The following CRHR1 variants were observed in gnomAD, a reference collection of about 807,000 sequenced individuals.
CRHR1 encodes corticotropin-releasing hormone receptor 1.
In CRHR1, 28 loss-of-function variants were observed where a neutral mutation model predicts 56.0. That is an observed-to-expected ratio of 0.50 (90% CI 0.37 to 0.69). The LOEUF (loss-of-function observed/expected upper bound fraction) is 0.69, where lower values mean the gene tolerates loss of function less well. Among genes scored for constraint, CRHR1 ranks in the 30% least tolerant of loss-of-function variants. The probability of loss-of-function intolerance (pLI) is 0.00; values close to 1 mark genes in which losing one functional copy is unlikely to be tolerated. For synonymous variants in CRHR1, 195 were observed against 216.5 expected, an observed-to-expected ratio of 0.90 and a Z score of 0.87; for missense variants, 376 against 548.0, an observed-to-expected ratio of 0.69 and a Z score of 3.13.
chr17:45,814,758 C>T (rs1012978117), intron 2 of CRHR1, among the ~76,000 whole-genome samples: 3 of 152,276 alleles, frequency 2.0e-5, no homozygotes, highest in Non-Finnish European at 1.5e-5. Context: ...TCCACTGCCA[C>T]TCCGTGATAA....
At chr17:45,829,133 C>A (rs1347588437) in intron 4 of CRHR1, 82 bp from the exon 5 acceptor site, 8 of 1,109,708 alleles carry the variant, frequency 7.2e-6, no homozygotes, top group Non-Finnish European at 1.1e-5. Context: ...CCCGCTCCAT[C>A]CCAGCCACCC....
At chr17:45,797,852 C>T (rs1233629385) in intron 1 of CRHR1, among the ~76,000 whole-genome samples, 2 of 152,196 alleles carry the variant, frequency 1.3e-5, no homozygotes, top group Non-Finnish European at 2.9e-5. Flanking sequence ...AACACAGTGA[C>T]CTCCCCATTT....
chr17:45,821,425 G>A lies in CRHR1; in HGVS notation c.312G>A (p.Glu104=), dbSNP rs201421099. 5.5e-5 allele frequency: 88 copies of A among 1,612,828 alleles called. No individual in the cohort carries two copies. The African/African-American group carries it at 1.1e-3, about 20-fold the overall frequency. Residue 104 remains glutamate (E), a synonymous_variant, in exon 4 of 13, where the codon GAG becomes GAA. Transcript: ENST00000314537. Reference sequence around the variant, plus strand: ...GCGTGAATTACTCCGAGTGCCAGGAGATCCTCAATGAGGAGGTGAGGCTGA... The same window carrying A: ...GCGTGAATTACTCCGAGTGCCAGGAAATCCTCAATGAGGAGGTGAGGCTGA... ...AARVNYSECQ[E]ILNEEKKSKV...
At chr17:45,803,170 G>A (rs2061655167) in intron 1 of CRHR1, among the ~76,000 whole-genome samples, 1 of 152,144 alleles carries the variant, frequency 6.6e-6, no homozygotes, top group Non-Finnish European at 1.5e-5. Context: ...GACTGCATGG[G>A]CAGAGGGTTG....
intron 11 of CRHR1, 53 bp from the exon 12 acceptor site, chr17:45,833,954 C>T: frequency 6.2e-7 from 1 of 1,613,184 alleles, no homozygotes; most frequent in East Asian, 2.2e-5. Flanking sequence ...AGCCCAGAGG[C>T]TGGGTGGGCA....
intron 4 of CRHR1, among the ~76,000 whole-genome samples, chr17:45,823,351 G>A (rs1429560079): frequency 6.6e-6 from 1 of 150,980 alleles, no homozygotes; most frequent in East Asian, 1.9e-4. Context: ...GGAGACTGGG[G>A]CCCAGAAAAG....
chr17:45,786,347 G>A (rs1401142535), intron 1 of CRHR1, among the ~76,000 whole-genome samples: 1 of 152,170 alleles, frequency 6.6e-6, no homozygotes, highest in Non-Finnish European at 1.5e-5. Flanking sequence ...GGGGCAGTGA[G>A]TGAATGGCCA....
chr17:45,821,575 G>A lies in CRHR1; in HGVS notation c.327+135G>A. ...CTGCTCTAGTGAAGCTGACTGGGGA[G>A]CTGGAGCTGTCAACTTGGAAAAGGC... On this transcript the variant is annotated intron_variant, in intron 4 of 12. Coordinates refer to ENST00000314537, the MANE Select transcript of CRHR1 (RefSeq NM_004382.5). 5 of 853,526 alleles carry A rather than the reference G, an allele frequency of 5.9e-6. No homozygotes were observed. The South Asian group carries it at 6.2e-5, about 11-fold the overall frequency. The allele number at this position is 853,526 out of a possible 1,614,324, so 52.9% of individuals were successfully genotyped here.
At chr17:45,806,375 C>T (rs532893938) in intron 1 of CRHR1, among the ~76,000 whole-genome samples, 1 of 152,232 alleles carries the variant, frequency 6.6e-6, no homozygotes, top group Non-Finnish European at 1.5e-5. Context: ...GCCTCAGTTT[C>T]CTCATCTGCA....
At chr17:45,806,657 C>T (rs768777897) in intron 1 of CRHR1, among the ~76,000 whole-genome samples, 2 of 152,092 alleles carry the variant, frequency 1.3e-5, no homozygotes, top group Non-Finnish European at 1.5e-5. Context: ...GGTGGGACAC[C>T]GTTGGACCAT....
chr17:45,803,230 G>A (rs1180884306), intron 1 of CRHR1, among the ~76,000 whole-genome samples: 3 of 152,180 alleles, frequency 2.0e-5, no homozygotes, highest in Non-Finnish European at 2.9e-5. Flanking sequence ...TAATTGGATG[G>A]AAATAGAACG....
At chr17:45,821,473 G>T (rs762448750) in intron 4 of CRHR1, 33 bp downstream of exon 4, 1 of 1,594,800 alleles carries the variant, frequency 6.3e-7, no homozygotes. Flanking sequence ...TGCCCATATG[G>T]AGGGGAGTCC....
At chr17:45,792,441 C>A (rs563402630) in intron 1 of CRHR1, among the ~76,000 whole-genome samples, 1 of 152,322 alleles carries the variant, frequency 6.6e-6, no homozygotes, top group South Asian at 2.1e-4. Context: ...GGGGAAAGAA[C>A]CTGATGCTCC....
chr17:45,788,389 GT>G (rs2061371165), intron 1 of CRHR1, among the ~76,000 whole-genome samples: 1 of 152,152 alleles, frequency 6.6e-6, no homozygotes. Flanking sequence ...AAAGGTCTGT[GT>G]TTTCAAATAC....
intron 3 of CRHR1, among the ~76,000 whole-genome samples, chr17:45,817,889 C>A (rs966900196): frequency 1.3e-4 from 20 of 152,314 alleles, no homozygotes; most frequent in South Asian, 2.1e-4. Context: ...CACAGTTGGC[C>A]AGCCCCCAAT....
intron 4 of CRHR1, among the ~76,000 whole-genome samples, chr17:45,825,064 C>A (rs1163535829): frequency 6.6e-6 from 1 of 152,182 alleles, no homozygotes; most frequent in African/African-American, 2.4e-5. Flanking sequence ...CCTCGCCAGA[C>A]CCCTCCCAGA....
intron 4 of CRHR1, among the ~76,000 whole-genome samples, chr17:45,828,815 C>T (rs867596169): frequency 1.1e-4 from 17 of 152,134 alleles, no homozygotes; most frequent in Admixed American, 2.0e-4. Flanking sequence ...AGAGAAATCC[C>T]GGGAGTTTGG....
chr17:45,785,385 G>C (rs1323053554), intron 1 of CRHR1, among the ~76,000 whole-genome samples: 1 of 152,286 alleles, frequency 6.6e-6, no homozygotes, highest in Admixed American at 6.5e-5. Context: ...CGCCGCTCGT[G>C]TCAGGCGTCA....
intron 4 of CRHR1, among the ~76,000 whole-genome samples, chr17:45,822,083 A>C (rs879271756): frequency 3.2e-4 from 49 of 152,032 alleles, no homozygotes; most frequent in Admixed American, 3.1e-3. Context: ...AATTTTGTAT[A>C]CGTATTCTTT....
Sources: allele counts gnomAD v4.1 joint callset (sites outside exome capture counted in the v4.1 genomes callset), GRCh38; gene constraint gnomAD v4.1.1; transcripts MANE v1.5; gene names NCBI Gene and HGNC (gene_info 2026-07-23, HGNC 2026-07-21).